SPTBN1: variants seen among roughly 807,000 people sequenced by gnomAD.
SPTBN1 encodes spectrin beta, non-erythrocytic 1.
Under a neutral mutation model 266.4 loss-of-function variants are expected in SPTBN1, and 32 were observed. The observed-to-expected ratio is 0.12, with a 90% CI of 0.09 to 0.16. The LOEUF (loss-of-function observed/expected upper bound fraction) is 0.16. Among genes scored for constraint, SPTBN1 ranks in the 10% least tolerant of loss-of-function variants. SPTBN1 has a pLI of 1.00. For missense variants in SPTBN1, 2,296 were observed against 3,067.1 expected (o/e 0.75, Z 5.94); for synonymous variants, 1,336 against 1,162.2 (o/e 1.15, Z -3.04).
chr2:54,586,671 C>A (rs1558871248), intron 2 of SPTBN1, among the ~76,000 whole-genome samples: 1 of 152,138 alleles, frequency 6.6e-6, no homozygotes, highest in African/African-American at 2.4e-5. Flanking sequence ...TTTGACTCCC[C>A]CTCTTTCTGG....
chr2:54,639,668 T>C (rs1287804981), intron 18 of SPTBN1, among the ~76,000 whole-genome samples: 2 of 152,246 alleles, frequency 1.3e-5, no homozygotes, highest in African/African-American at 4.8e-5. Context: ...CCCGATAGAA[T>C]CACAGGAAAT....
At chr2:54,495,542 A>G (rs548300697) in intron 1 of SPTBN1, among the ~76,000 whole-genome samples, 2 of 152,338 alleles carry the variant, frequency 1.3e-5, no homozygotes, top group South Asian at 2.1e-4. Context: ...AGGAAAATAC[A>G]CTTAAGAAAA....
chr2:54,542,651 C>G (rs563508665), intron 2 of SPTBN1, among the ~76,000 whole-genome samples: 1 of 152,064 alleles, frequency 6.6e-6, no homozygotes, highest in Non-Finnish European at 1.5e-5. Flanking sequence ...CAGGGAGGAA[C>G]GCCATTTTAG....
intron 1 of SPTBN1, among the ~76,000 whole-genome samples, chr2:54,462,841 C>G (rs1474626073): frequency 6.6e-6 from 1 of 152,194 alleles, no homozygotes; most frequent in East Asian, 1.9e-4. Flanking sequence ...CGCTTCTGTT[C>G]CTGGCAGACA....
rs776263073 is a variant in SPTBN1, at chr2:54,645,148, C to T, written c.4270-81C>T. 2 of 1,498,850 alleles carry T rather than the reference C, an allele frequency of 1.3e-6. No individual in the cohort carries two copies. Among genetic ancestry groups the T allele is most frequent in the Non-Finnish European group, 1.8e-6 (2 of 1,090,080 alleles). The allele number at this position is 1,498,850 out of a possible 1,614,324, so 92.8% of individuals were successfully genotyped here. A position where few individuals can be genotyped will look rare whatever the true frequency, so the allele number is the denominator to read the frequency against. On this transcript the variant is annotated intron_variant, in intron 20 of 35. Transcript: ENST00000356805. This position sits in a 1 kb window ranked among gnomAD's most constrained non-coding sequence, Gnocchi z 4.3. Reference sequence around the variant, plus strand: ...CTGGCTTTGCGGTGTGGCCAAGTCCCAGGCCCAGCAGTTCTGCTTAGAGCC... The same window carrying T: ...CTGGCTTTGCGGTGTGGCCAAGTCCTAGGCCCAGCAGTTCTGCTTAGAGCC...
intron 5 of SPTBN1, among the ~76,000 whole-genome samples, chr2:54,616,633 C>G (rs1003878066): frequency 2.4e-4 from 37 of 152,186 alleles, no homozygotes; most frequent in African/African-American, 8.7e-4. Context: ...TTTCTTCACC[C>G]TTTAATTTCT....
Position 54,645,399 on chromosome 2 carries a change from C to T in SPTBN1, c.4440C>T (p.Asn1480=), listed in dbSNP as rs1679855980. The T allele has an allele frequency of 6.2e-7, 1 of 1,614,180 alleles. No homozygotes were observed. Among genetic ancestry groups the T allele is most frequent in the Non-Finnish European group, 8.5e-7 (1 of 1,180,028 alleles). Residue 1480 remains asparagine (N), a synonymous_variant, in exon 21 of 36, where the codon AAC becomes AAT. Coordinates refer to ENST00000356805, the MANE Select transcript of SPTBN1 (RefSeq NM_003128.3). This position sits in a 1 kb window ranked among gnomAD's most constrained non-coding sequence, Gnocchi z 4.3. ...AGCCCTTGAACGAGAGGAAGCATAA[C>T]CTGCTGGCCTCCAAAGAGATCCATC... ...LLEPLNERKH[N]LLASKEIHQF...
chr2:54,514,233 AATG>A (rs1394216391), intron 1 of SPTBN1, among the ~76,000 whole-genome samples: 1 of 152,212 alleles, frequency 6.6e-6, no homozygotes, highest in Admixed American at 6.5e-5. Context: ...ACTGTATAAT[AATG>A]ATAATAAGTT....
At chr2:54,474,094 A>C (rs1170163454) in intron 1 of SPTBN1, among the ~76,000 whole-genome samples, 1 of 152,238 alleles carries the variant, frequency 6.6e-6, no homozygotes, top group Non-Finnish European at 1.5e-5. Context: ...TACCACTGGT[A>C]GGTGGAGTAA....
At chr2:54,499,146 G>A (rs200278961) in intron 1 of SPTBN1, among the ~76,000 whole-genome samples, 1 of 54,584 alleles carries the variant, frequency 1.8e-5, no homozygotes, top group African/African-American at 1.2e-4. Flanking sequence ...GGAAGGGATC[G>A]ATCTGTTCTC....
intron 1 of SPTBN1, among the ~76,000 whole-genome samples, chr2:54,494,222 A>G (rs1009569046): frequency 6.6e-6 from 1 of 152,256 alleles, no homozygotes; most frequent in African/African-American, 2.4e-5. Context: ...TCACATTATA[A>G]AGTGACTCAT....
chr2:54,509,073 A>G (rs1669722378), intron 1 of SPTBN1, among the ~76,000 whole-genome samples: 1 of 152,218 alleles, frequency 6.6e-6, no homozygotes, highest in Non-Finnish European at 1.5e-5. Flanking sequence ...AGGGGGGCAG[A>G]GCGGTAGCCT....
At chr2:54,604,447 G>A (rs1327043729) in intron 3 of SPTBN1, among the ~76,000 whole-genome samples, 1 of 151,950 alleles carries the variant, frequency 6.6e-6, no homozygotes, top group Non-Finnish European at 1.5e-5. Context: ...CTGATGCCTT[G>A]CAGAGTGTAA....
intron 2 of SPTBN1, among the ~76,000 whole-genome samples, chr2:54,592,940 A>G (rs543431837): frequency 1.3e-5 from 2 of 152,248 alleles, no homozygotes; most frequent in East Asian, 1.9e-4. Context: ...CCACCTACCT[A>G]ATAGTTTGCT....
intron 1 of SPTBN1, among the ~76,000 whole-genome samples, chr2:54,460,336 G>A (rs917276241): frequency 1.3e-5 from 2 of 152,112 alleles, no homozygotes; most frequent in African/African-American, 4.8e-5. Flanking sequence ...GGCTCTCACT[G>A]TAAATTATTT....
rs1674772864 is a variant in SPTBN1, at chr2:54,579,994, A to G, written c.149-19098A>G. Among the ~76,000 whole-genome samples, 3 of 152,322 alleles carry G rather than the reference A, an allele frequency of 2.0e-5. No individual in the cohort carries two copies. In the South Asian group the frequency reaches 6.2e-4, roughly 32 times the overall value. ...CGGCTCTCTGGTGTTGCTAGGACAG[A>G]CCTGTATGACCTTCTTTATGTAAAT... On this transcript the variant is annotated intron_variant, in intron 2 of 35. Coordinates refer to ENST00000356805, the MANE Select transcript of SPTBN1 (RefSeq NM_003128.3).
intron 30 of SPTBN1, 32 bp downstream of exon 30, chr2:54,658,078 T>A: frequency 6.2e-7 from 1 of 1,612,328 alleles, no homozygotes; most frequent in East Asian, 2.2e-5. Flanking sequence ...TGTCTGTTGG[T>A]GCCCTGGGCA....
chr2:54,617,722 G>A, intron 6 of SPTBN1, 34 bp downstream of exon 6: 1 of 1,602,160 alleles, frequency 6.2e-7, no homozygotes, highest in Non-Finnish European at 8.5e-7. Context: ...GCAATCGTGG[G>A]GTAAAAGGTT....
At chr2:54,655,276 T>G (rs1320737014) in intron 28 of SPTBN1, 68 bp downstream of exon 28, 2 of 1,580,762 alleles carry the variant, frequency 1.3e-6, no homozygotes, top group Non-Finnish European at 1.7e-6. Flanking sequence ...TTTTATATGT[T>G]TGTGTGTGTC....
Sources: allele counts gnomAD v4.1 joint callset (sites outside exome capture counted in the v4.1 genomes callset), GRCh38; gene constraint gnomAD v4.1.1; non-coding constraint Gnocchi (gnomAD v3.1); transcripts MANE v1.5; gene names NCBI Gene and HGNC (gene_info 2026-07-23, HGNC 2026-07-21).